The following POGLUT1 variants were observed in gnomAD, a reference collection of about 807,000 sequenced individuals.
POGLUT1 encodes 9630046K23Rik.
In POGLUT1, 32 loss-of-function variants were observed where a neutral mutation model predicts 61.3. That is an observed-to-expected ratio of 0.52 (90% CI 0.39 to 0.70). The LOEUF is 0.70. Ranked by LOEUF, POGLUT1 falls within the 30% of genes least tolerant of loss-of-function variation. POGLUT1 has a pLI of 0.00. For missense variants in POGLUT1, 411 were observed against 469.8 expected (o/e 0.87, Z 1.16); for synonymous variants, 158 against 158.2 (o/e 1.00, Z 0.01).
At position 119,488,978 on chromosome 3, in the gene POGLUT1, G is replaced by T; in HGVS notation, c.788G>T (p.Cys263Phe). The change falls in exon 8 of 11, where the codon TGC becomes TTC. Residue 263 changes from cysteine (C) to phenylalanine (F), a missense_variant. By Grantham distance (205) the Cys-to-Phe change is radical (BLOSUM62 -2). Coordinates refer to ENST00000295588, the MANE Select transcript of POGLUT1 (RefSeq NM_152305.3). Reference protein sequence around the residue: ...AAKDVHLVDHCKYKYLFNFRG... With the variant: ...AAKDVHLVDHFKYKYLFNFRG... ...AAGGATGTCCATCTTGTGGATCACT[G>T]CAAATACAAGTAAGATTTGCAGGAC... 1 of 1,573,202 alleles carries T rather than the reference G, an allele frequency of 6.4e-7. No individual in the cohort carries two copies.
chr3:119,483,486 AG>A (rs2081630244), intron 5 of POGLUT1, among the ~76,000 whole-genome samples: 1 of 152,230 alleles, frequency 6.6e-6, no homozygotes, highest in African/African-American at 2.4e-5. Flanking sequence ...TTTGTAAAAT[AG>A]GGGTGATAAA....
rs1026812934 is a variant in POGLUT1, at chr3:119,477,343, A to G, written c.351A>G (p.Glu117=). ...GTGGTGTTGAGCACTTTATTTTGGA[A>G]GTGATCGGGCGTCTCCCTGACATGG... is the stretch of plus-strand genomic sequence containing the variant. The part of the protein sequence containing the change: ...RCSGVEHFIL[E]VIGRLPDMEM... The change falls in exon 4 of 11, where the codon GAA becomes GAG. Residue 117 remains glutamate, a synonymous_variant. Transcript: ENST00000295588. The G allele has an allele frequency of 6.2e-7, 1 of 1,613,986 alleles. No individual in the cohort carries two copies. Among genetic ancestry groups the G allele is most frequent in the African/African-American group, 1.3e-5 (1 of 74,932 alleles).
intron 3 of POGLUT1, among the ~76,000 whole-genome samples, chr3:119,474,146 A>G (rs1377903978): frequency 2.0e-5 from 3 of 152,258 alleles, no homozygotes; most frequent in Non-Finnish European, 4.4e-5. Context: ...TGTGGTTAAC[A>G]TAAATTACAT....
Position 119,486,910 on chromosome 3 carries a change from A to C in POGLUT1, c.716A>C (p.Asn239Thr). 1 of 1,611,932 alleles carries C rather than the reference A, an allele frequency of 6.2e-7. No homozygotes were observed. Among genetic ancestry groups the C allele is most frequent in the Non-Finnish European group, 8.5e-7 (1 of 1,178,016 alleles). The change falls in exon 7 of 11, where the codon AAC (asparagine) becomes ACC (threonine). Residue 239 changes from asparagine (N) to threonine (T), a missense_variant. Coordinates refer to ENST00000295588, the MANE Select transcript of POGLUT1 (RefSeq NM_152305.3). ...PKLVDAEYTK[N>T]QAWKSMKDTL... ...CTTGTTGATGCAGAATACACCAAAAACCAGGCCTGGAAATCTATGAAAGTA... is the reference window on the plus strand; with the variant it reads ...CTTGTTGATGCAGAATACACCAAAACCCAGGCCTGGAAATCTATGAAAGTA...
chr3:119,476,172 A>G (rs1370844785), intron 3 of POGLUT1, among the ~76,000 whole-genome samples: 1 of 152,268 alleles, frequency 6.6e-6, no homozygotes, highest in South Asian at 2.1e-4. Context: ...AATAAAAAAA[A>G]CCTTAAAAAA....
chr3:119,490,823 G>C lies in POGLUT1; in HGVS notation c.965+105G>C, dbSNP rs561835423. ...AGTCATGTAAGACATTTAGTCCTAC[G>C]ATTTTTTTCCATTGAAAGCTTTTTT... On this transcript the variant is annotated intron_variant, in intron 9 of 10. Transcript: ENST00000295588. 3.1e-6 allele frequency: 3 copies of C among 963,528 alleles called. No individual in the cohort carries two copies. The East Asian group carries it at 7.3e-5, about 23-fold the overall frequency. 59.7% of individuals were successfully genotyped at this position (963,528 alleles called of 1,614,324 possible). A position where few individuals can be genotyped will look rare whatever the true frequency, so the allele number is the denominator to read the frequency against.
intron 6 of POGLUT1, 37 bp from the exon 7 acceptor site, chr3:119,486,796 A>G (rs764994664): frequency 7.2e-7 from 1 of 1,386,048 alleles, no homozygotes; most frequent in South Asian, 1.2e-5. Context: ...TTTCTAATAC[A>G]GGCCACACAG....
chr3:119,480,579 A>C (rs1320055232), intron 5 of POGLUT1, among the ~76,000 whole-genome samples: 2 of 151,990 alleles, frequency 1.3e-5, no homozygotes, highest in Non-Finnish European at 2.9e-5. Context: ...TTTTTAAGTT[A>C]AAAATTAAAG....
chr3:119,472,361 A>G (rs1201710776), intron 3 of POGLUT1, among the ~76,000 whole-genome samples: 1 of 152,230 alleles, frequency 6.6e-6, no homozygotes, highest in Non-Finnish European at 1.5e-5. Context: ...ATTCGTTCAT[A>G]AAGATTTGTA....
At chr3:119,483,543 C>T (rs986575482) in intron 5 of POGLUT1, among the ~76,000 whole-genome samples, 15 of 152,186 alleles carry the variant, frequency 9.9e-5, no homozygotes, top group African/African-American at 3.6e-4. Context: ...TTACAAAGCA[C>T]TTAAAACAAT....
chr3:119,487,325 T>C (rs6762207), intron 7 of POGLUT1, among the ~76,000 whole-genome samples: 139,646 of 152,274 alleles, frequency 0.92, 64,241 homozygotes, highest in East Asian at 1. Flanking sequence ...TGGTGGCTCA[T>C]GCCTGTAATC....
chr3:119,491,079 T>C (rs1218688576), intron 9 of POGLUT1, among the ~76,000 whole-genome samples: 2 of 151,418 alleles, frequency 1.3e-5, no homozygotes, highest in African/African-American at 4.8e-5. Flanking sequence ...TTCAGCAAAT[T>C]TCCTTTCATG....
Position 119,471,584 on chromosome 3 carries a change from G to A in POGLUT1, c.320+132G>A, listed in dbSNP as rs774399802. 24 of 834,708 alleles carry A rather than the reference G, an allele frequency of 2.9e-5. 1 individual carries two copies. Among genetic ancestry groups the A allele is most frequent in the South Asian group, 1.4e-4 (10 of 70,086 alleles). 51.7% of individuals were successfully genotyped at this position (834,708 alleles called of 1,614,324 possible). A position where few individuals can be genotyped will look rare whatever the true frequency, so the allele number is the denominator to read the frequency against. On this transcript the variant is annotated intron_variant, in intron 3 of 10. Coordinates refer to ENST00000295588, the MANE Select transcript of POGLUT1 (RefSeq NM_152305.3). ...CATTTCAGGCGGACTATGAAATAGT[G>A]ACGAGCTCTTCTCCTTGCCTGGGAA...
At chr3:119,478,494 G>A (rs576032364) in intron 4 of POGLUT1, 86 of 446,526 alleles carry the variant, frequency 1.9e-4, no homozygotes, top group African/African-American at 1.3e-3. Flanking sequence ...TAGGGACTTC[G>A]TGTTTGTTAT....
chr3:119,488,498 A>G (rs1018573593), intron 7 of POGLUT1: 1 of 142,384 alleles, frequency 7.0e-6, no homozygotes, highest in African/African-American at 2.7e-5. Context: ...CAATGATTTG[A>G]TTTAAAAAAA....
At chr3:119,490,474 G>C in intron 8 of POGLUT1, 77 bp from the exon 9 acceptor site, 1 of 1,185,368 alleles carries the variant, frequency 8.4e-7, no homozygotes. Context: ...AGAAGGGGAG[G>C]GGAGAATAAG....
rs369348465 is a variant in POGLUT1, at chr3:119,473,020, G to C, written c.320+1568G>C. The stretch of plus-strand genomic sequence containing the variant: ...CCACTGCACTCCAGCCAGGGTGATA[G>C]AGCAAGACCTGTCTCAAATAAATAA... On this transcript the variant is annotated intron_variant, in intron 3 of 10. Transcript: ENST00000295588. Among the ~76,000 whole-genome samples, 206 of 152,282 alleles carry C rather than the reference G, an allele frequency of 1.4e-3. 6 individuals carry two copies. In the South Asian group the frequency reaches 0.029, roughly 21 times the overall value.
rs2081653173 is a variant in POGLUT1, at chr3:119,485,350, A to G, written c.601A>G (p.Lys201Glu). The stretch of plus-strand genomic sequence containing the variant: ...TAGGTCAGCAGCACAGTGGCCATGG[A>G]AAAAGAAAAACTCTACAGCATATTT... ...LVRSAAQWPW[K>E]KKNSTAYFRG... The change falls in exon 6 of 11, where the codon AAA (lysine) becomes GAA (glutamate). Residue 201 changes from lysine (K) to glutamate (E), a missense_variant. Transcript: ENST00000295588. 2 of 1,607,842 alleles carry G rather than the reference A, an allele frequency of 1.2e-6. No individual in the cohort carries two copies. Among genetic ancestry groups the G allele is most frequent in the South Asian group, 1.1e-5 (1 of 90,666 alleles).
chr3:119,492,515 T>C lies in POGLUT1; in HGVS notation c.*77T>C. 1 of 984,840 alleles carries C rather than the reference T, an allele frequency of 1.0e-6. No individual in the cohort carries two copies. Among genetic ancestry groups the C allele is most frequent in the Non-Finnish European group, 1.5e-6 (1 of 680,502 alleles). The allele number at this position is 984,840 out of a possible 1,614,324, so 61.0% of individuals were successfully genotyped here. A position where few individuals can be genotyped will look rare whatever the true frequency, so the allele number is the denominator to read the frequency against. On this transcript the variant is annotated 3_prime_UTR_variant, in exon 11 of 11. Coordinates refer to ENST00000295588, the MANE Select transcript of POGLUT1 (RefSeq NM_152305.3). ...TACGGTGAGAAGCTTACCATAAGCT[T>C]GGCACCTATACCTTGAATATCTGCT...
Sources: allele counts gnomAD v4.1 joint callset (sites outside exome capture counted in the v4.1 genomes callset), GRCh38; gene constraint gnomAD v4.1.1; transcripts MANE v1.5; gene names NCBI Gene and HGNC (gene_info 2026-07-23, HGNC 2026-07-21).